BCAR3: variants seen among roughly 807,000 people sequenced by gnomAD.
BCAR3 encodes the protein BCAR3 adaptor protein, NSP family member, also known as breast cancer anti-estrogen resistance protein 3.
Under a neutral mutation model 80.1 loss-of-function variants are expected in BCAR3, and 37 were observed. That is an observed-to-expected ratio of 0.46 (90% confidence interval 0.36 to 0.61). BCAR3 has a LOEUF of 0.61. BCAR3 is among the 20% of genes least tolerant of loss of function. BCAR3 has a pLI of 0.00. For missense variants in BCAR3, 978 were observed against 1,068.2 expected (o/e 0.92, Z 1.18); for synonymous variants, 389 against 418.9 (o/e 0.93, Z 0.87).
In BCAR3 at chr1:93,592,834, C is replaced by G. The variant is rs988476396; in HGVS notation, c.358-441G>C. ...TGGGCAGTGAGGCCCAAAGCACAGT[C>G]CTTGGGCTGGTAGCGATGGCCCTAA... On this transcript the variant is annotated intron_variant, in intron 3 of 11. Transcript: ENST00000260502. The surrounding 1 kb of genome is among the most constrained non-coding windows in gnomAD (Gnocchi z 4.8). 6.6e-6 allele frequency among the ~76,000 whole-genome samples: 1 copy of G among 152,236 alleles called. No individual in the cohort carries two copies. The highest frequency in any genetic ancestry group is 2.4e-5 in the African/African-American group (1 of 41,470).
chr1:93,663,657 C>T (rs1323999881), intron 2 of BCAR3, among the ~76,000 whole-genome samples: 1 of 152,198 alleles, frequency 6.6e-6, no homozygotes, highest in Non-Finnish European at 1.5e-5. Context: ...CCTCTGAGGG[C>T]TCCTTACATG....
intron 2 of BCAR3, among the ~76,000 whole-genome samples, chr1:93,779,451 C>T (rs1458555867): frequency 1.3e-5 from 2 of 152,040 alleles, no homozygotes; most frequent in African/African-American, 4.8e-5. Flanking sequence ...AAGGATGAGT[C>T]GGTGGACATA....
At chr1:93,774,784 T>C (rs1346562978) in intron 2 of BCAR3, among the ~76,000 whole-genome samples, 1 of 152,206 alleles carries the variant, frequency 6.6e-6, no homozygotes, top group Non-Finnish European at 1.5e-5. Context: ...TTCAATGACA[T>C]CTGAAAAGCT....
At chr1:93,805,395 C>T (rs971869047) in intron 2 of BCAR3, among the ~76,000 whole-genome samples, 18 of 152,142 alleles carry the variant, frequency 1.2e-4, no homozygotes, top group African/African-American at 4.3e-4. Context: ...GGGCTGAAAG[C>T]CATTAAAGTT....
chr1:93,610,659 C>T (rs1386413241), intron 3 of BCAR3, among the ~76,000 whole-genome samples: 4 of 152,128 alleles, frequency 2.6e-5, no homozygotes, highest in African/African-American at 9.7e-5. Flanking sequence ...AGAAAGAACG[C>T]TAGCAGCCAG....
chr1:93,618,924 GTTTTTTTTTTTTTTGTT>G (rs1037087625), intron 3 of BCAR3, among the ~76,000 whole-genome samples: 2 of 136,028 alleles, frequency 1.5e-5, no homozygotes, highest in African/African-American at 5.3e-5. Context: ...GAAGCCGTGG[GTTTTTTTTTTTTTTGTT>G]TTTTTTTTTT....
chr1:93,845,001 A>C (rs889165403), intron 2 of BCAR3, among the ~76,000 whole-genome samples: 2 of 152,128 alleles, frequency 1.3e-5, no homozygotes, highest in Non-Finnish European at 2.9e-5. Context: ...TGATACAGGA[A>C]TTTTTTTGGC....
intron 2 of BCAR3, among the ~76,000 whole-genome samples, chr1:93,790,237 G>T (rs755072811): frequency 3.0e-4 from 46 of 151,844 alleles, no homozygotes; most frequent in Non-Finnish European, 5.7e-4. Flanking sequence ...AGACAATGAA[G>T]AAAAGAAATA....
At chr1:93,624,766 A>G (rs1359081832) in intron 3 of BCAR3, among the ~76,000 whole-genome samples, 1 of 152,236 alleles carries the variant, frequency 6.6e-6, no homozygotes, top group Non-Finnish European at 1.5e-5. Flanking sequence ...ATTTGCAAGA[A>G]GGTAGGGGCC....
intron 2 of BCAR3, among the ~76,000 whole-genome samples, chr1:93,736,185 T>C (rs150009006): frequency 6.6e-5 from 10 of 152,302 alleles, no homozygotes; most frequent in Admixed American, 1.3e-4. Flanking sequence ...AAGAAGTTTA[T>C]TTATTTATTT....
chr1:93,619,067 T>A lies in BCAR3; in HGVS notation c.357+23237A>T, dbSNP rs183074932. ...AATTCTCCTGCCTCAGCCTCCCGAG[T>A]AGCTGGGACTACAGGCACATGCCAC... On this transcript the variant is annotated intron_variant, in intron 3 of 11. Transcript: ENST00000260502. 3.2e-3 allele frequency among the ~76,000 whole-genome samples: 479 copies of A among 151,438 alleles called. 7 individuals carry two copies. Among genetic ancestry groups the A allele is most frequent in the African/African-American group, 0.011 (468 of 41,234 alleles).
intron 2 of BCAR3, among the ~76,000 whole-genome samples, chr1:93,784,620 TGGGC>T (rs1240813918): frequency 6.6e-6 from 1 of 152,228 alleles, no homozygotes; most frequent in Non-Finnish European, 1.5e-5. Flanking sequence ...GCTTCTCTAG[TGGGC>T]TTGATGAAGA....
rs138039359 is a variant in BCAR3, at chr1:93,836,098, T to C, written c.-63+9469A>G. Among the ~76,000 whole-genome samples, 1,330 of 152,244 alleles carry C rather than the reference T, an allele frequency of 8.7e-3. 18 individuals are homozygous for C. The highest frequency in any genetic ancestry group is 0.031 in the African/African-American group (1,287 of 41,526). Reference sequence around the variant, plus strand: ...ACCTCACCAAGCTCAGCCTCCAACTTAAAAAGGACTGGACAGTACTCTTAC... The same window carrying C: ...ACCTCACCAAGCTCAGCCTCCAACTCAAAAAGGACTGGACAGTACTCTTAC... On this transcript the variant is annotated intron_variant, in intron 2 of 13. Transcript: ENST00000370244.
intron 8 of BCAR3, among the ~76,000 whole-genome samples, chr1:93,573,618 A>G (rs868588523): frequency 0.02 from 2,679 of 136,996 alleles, 115 homozygotes; most frequent in African/African-American, 0.03. Context: ...TTTTATTATT[A>G]TTATTATTAT....
chr1:93,810,489 C>T (rs765710866), intron 2 of BCAR3, among the ~76,000 whole-genome samples: 1 of 152,168 alleles, frequency 6.6e-6, no homozygotes, highest in Non-Finnish European at 1.5e-5. Context: ...CACATCAGCA[C>T]ACTCTGATGC....
chr1:93,708,694 A>G (rs1475018189), intron 2 of BCAR3, among the ~76,000 whole-genome samples: 1 of 152,222 alleles, frequency 6.6e-6, no homozygotes, highest in East Asian at 1.9e-4. Flanking sequence ...AGAGTCCCCT[A>G]TATAACTTAC....
At chr1:93,802,315 GA>G (rs11349279) in intron 2 of BCAR3, among the ~76,000 whole-genome samples, 46,833 of 142,840 alleles carry the variant, frequency 0.33, 10,499 homozygotes, top group African/African-American at 0.65. Context: ...AACTTTAAAA[GA>G]AAAAAAAAAA....
intron 3 of BCAR3, among the ~76,000 whole-genome samples, chr1:93,701,526 A>G (rs1004750368): frequency 5.9e-5 from 9 of 152,240 alleles, no homozygotes; most frequent in African/African-American, 2.2e-4. Flanking sequence ...TTTGAAAAAG[A>G]TGAAGCCGAA....
chr1:93,747,070 T>C (rs1386916174), intron 2 of BCAR3, among the ~76,000 whole-genome samples: 1 of 152,244 alleles, frequency 6.6e-6, no homozygotes, highest in Non-Finnish European at 1.5e-5. Context: ...TGGACATTTA[T>C]CACTCTTTAT....
Sources: gnomAD v4.1 joint callset for allele counts (sites outside exome capture counted in the v4.1 genomes callset) on GRCh38, gnomAD v4.1.1 for gene constraint, Gnocchi (gnomAD v3.1) non-coding constraint, MANE v1.5 for transcripts, NCBI Gene and HGNC (gene_info 2026-07-23, HGNC 2026-07-21) for gene names.